The following HEPACAM variants were observed in gnomAD, a reference collection of about 807,000 sequenced individuals.
The protein encoded by HEPACAM is hepatic and glial cell adhesion molecule, also known as hepatocyte cell adhesion molecule.
Under a neutral mutation model 38.3 loss-of-function variants are expected in HEPACAM, and 18 were observed. The ratio of observed to expected loss-of-function variants is 0.47; its 90% CI spans 0.33 to 0.70. The LOEUF is 0.70. Among genes scored for constraint, HEPACAM ranks in the 30% least tolerant of loss-of-function variants. HEPACAM has a pLI of 0.03. For missense variants in HEPACAM, 466 were observed against 563.0 expected (o/e 0.83, Z 1.74); for synonymous variants, 216 against 243.1 (o/e 0.89, Z 1.04).
chr11:124,934,490 A>G (rs1345146947), intron 1 of HEPACAM, among the ~76,000 whole-genome samples: 1 of 150,818 alleles, frequency 6.6e-6, no homozygotes, highest in Non-Finnish European at 1.5e-5. Flanking sequence ...GTGTCCTTAT[A>G]AAAAGGGGAA....
chr11:124,920,724 A>C lies in HEPACAM; in HGVS notation c.*414T>G. On this transcript the variant is annotated 3_prime_UTR_variant, in exon 7 of 7. Transcript: ENST00000298251. ...AAAAAAAAAAAGTGCCCCAGCACTC[A>C]GGCATTTGTTCAGAGGGAAGGGTGG... The C allele has an allele frequency of 3.9e-6, 4 of 1,020,710 alleles. No individual in the cohort carries two copies. Among genetic ancestry groups the C allele is most frequent in the Non-Finnish European group, 4.7e-6 (4 of 854,682 alleles). 63.2% of individuals were successfully genotyped at this position (1,020,710 alleles called of 1,614,324 possible).
At chr11:124,923,242 C>A (rs1947163300) in intron 4 of HEPACAM, 98 bp downstream of exon 4, 2 of 849,436 alleles carry the variant, frequency 2.4e-6, no homozygotes, top group Admixed American at 3.4e-5. Context: ...AGATGCAAAA[C>A]CCTGGGAGGA....
chr11:124,935,760 C>T (rs183751456), intron 1 of HEPACAM, among the ~76,000 whole-genome samples, 162 bp downstream of exon 1: 48 of 152,298 alleles, frequency 3.2e-4, no homozygotes, highest in African/African-American at 1.1e-3. Flanking sequence ...TAAAGAAATA[C>T]GTTCAACGCT....
chr11:124,930,124 T>C (rs755751021), intron 1 of HEPACAM, among the ~76,000 whole-genome samples: 1 of 152,260 alleles, frequency 6.6e-6, no homozygotes, highest in African/African-American at 2.4e-5. Context: ...TTTCTTCAAC[T>C]GTGTTATTTC....
Position 124,921,056 on chromosome 11 carries a change from G to A in HEPACAM, c.*82C>T. 2 of 1,456,486 alleles carry A rather than the reference G, an allele frequency of 1.4e-6. No homozygotes were observed. Among genetic ancestry groups the A allele is most frequent in the Non-Finnish European group, 1.8e-6 (2 of 1,106,914 alleles). 90.2% of individuals were successfully genotyped at this position (1,456,486 alleles called of 1,614,324 possible). ...GACCTCCCCTCGTCCCCAGCGCGCC[G>A]CGCCCGGGCTTCCCAGCCCCAGCTT... is the stretch of plus-strand genomic sequence containing the variant. On this transcript the variant is annotated 3_prime_UTR_variant, in exon 7 of 7. Transcript: ENST00000298251. The surrounding 1 kb of genome is among the most constrained non-coding windows in gnomAD (Gnocchi z 4.6).
chr11:124,920,483 G>T lies in HEPACAM; in HGVS notation c.*655C>A. On this transcript the variant is annotated 3_prime_UTR_variant, in exon 7 of 7. Transcript: ENST00000298251. ...GCCCTTGCTAGCGCCCAGGTCAGAG[G>T]GAAAAGGAATGTACTCGTACCCTTC... 1 of 1,532,134 alleles carries T rather than the reference G, an allele frequency of 6.5e-7. No individual in the cohort carries two copies. The highest frequency in any genetic ancestry group is 8.8e-7 in the Non-Finnish European group (1 of 1,136,202). The allele number at this position is 1,532,134 out of a possible 1,614,324, so 94.9% of individuals were successfully genotyped here.
At chr11:124,925,662 T>TC (rs1947198878) in intron 1 of HEPACAM, among the ~76,000 whole-genome samples, 1 of 152,110 alleles carries the variant, frequency 6.6e-6, no homozygotes, top group African/African-American at 2.4e-5. Context: ...GAGAGCCTCT[T>TC]CCCGTTTTTT....
Position 124,919,346 on chromosome 11 carries a change from C to A in HEPACAM, c.*1792G>T. 1 of 198,850 alleles carries A rather than the reference C, an allele frequency of 5.0e-6. No homozygotes were observed. The highest frequency in any genetic ancestry group is 9.8e-6 in the Non-Finnish European group (1 of 101,720). 12.3% of individuals were successfully genotyped at this position (198,850 alleles called of 1,614,324 possible). ...GATGAAAACAACACAAAAACAAACC[C>A]CACTTCCTTACTTACCCCTCCCCAC... On this transcript the variant is annotated 3_prime_UTR_variant, in exon 7 of 7. Transcript: ENST00000298251.
At chr11:124,922,654 C>T in intron 5 of HEPACAM, 91 bp downstream of exon 5, 1 of 1,614,020 alleles carries the variant, frequency 6.2e-7, no homozygotes, top group Non-Finnish European at 8.5e-7. Context: ...CCCTGCAGAG[C>T]TGTTTTCCTT....
intron 1 of HEPACAM, among the ~76,000 whole-genome samples, chr11:124,935,532 G>A (rs1482477459): frequency 1.3e-5 from 2 of 152,034 alleles, no homozygotes; most frequent in Non-Finnish European, 2.9e-5. Flanking sequence ...GCCAGAGTCG[G>A]GGGCTGGGGA....
chr11:124,922,679 C>T, intron 5 of HEPACAM, 66 bp downstream of exon 5: 1 of 1,614,216 alleles, frequency 6.2e-7, no homozygotes, highest in Non-Finnish European at 8.5e-7. Flanking sequence ...CCCAGTTCTG[C>T]CTTTTCCCAG....
Position 124,920,678 on chromosome 11 carries a change from C to CAAA in HEPACAM, c.*457_*459dup, listed in dbSNP as rs71042463. Reference sequence around the variant, plus strand: ...AAGTGGCCTCTCTAATCTGAACTTGCAAAAAAAAAAAAAAAAAAAAAAAAA... The same window carrying CAAA: ...AAGTGGCCTCTCTAATCTGAACTTGCAAAAAAAAAAAAAAAAAAAAAAAAAAAA... On this transcript the variant is annotated 3_prime_UTR_variant, in exon 7 of 7. Transcript: ENST00000298251. 51,429 of 547,848 alleles carry CAAA rather than the reference C, an allele frequency of 0.094. 840 individuals carry two copies. The highest frequency in any genetic ancestry group is 0.098 in the Non-Finnish European group (47,824 of 486,050). The allele number at this position is 547,848 out of a possible 1,614,324, so 33.9% of individuals were successfully genotyped here.
intron 1 of HEPACAM, among the ~76,000 whole-genome samples, chr11:124,927,854 G>T (rs2135403162): frequency 6.6e-6 from 1 of 151,832 alleles, no homozygotes; most frequent in South Asian, 2.1e-4. Flanking sequence ...TTGCACCACT[G>T]CACTCCAGGC....
At chr11:124,934,587 G>A (rs1947320332) in intron 1 of HEPACAM, among the ~76,000 whole-genome samples, 2 of 151,780 alleles carry the variant, frequency 1.3e-5, no homozygotes, top group Non-Finnish European at 2.9e-5. Context: ...CAGAAGCTAG[G>A]AGAGAACCCT....
Position 124,920,445 on chromosome 11 carries a change from G to T in HEPACAM, c.*693C>A. On this transcript the variant is annotated 3_prime_UTR_variant, in exon 7 of 7. Coordinates refer to ENST00000298251, the MANE Select transcript of HEPACAM (RefSeq NM_152722.5). Reference sequence around the variant, plus strand: ...CTGTGGGAGGAGGCCAAGCTGGCAGGCTCGGGTTCTTTGCCCTTGCTAGCG... The same window carrying T: ...CTGTGGGAGGAGGCCAAGCTGGCAGTCTCGGGTTCTTTGCCCTTGCTAGCG... 6.5e-7 allele frequency: 1 copy of T among 1,546,640 alleles called. No individual in the cohort carries two copies. Among genetic ancestry groups the T allele is most frequent in the Non-Finnish European group, 8.7e-7 (1 of 1,145,110 alleles).
intron 5 of HEPACAM, 52 bp from the exon 6 acceptor site, chr11:124,922,510 C>T (rs764521806): frequency 2.7e-5 from 43 of 1,599,976 alleles, no homozygotes; most frequent in Non-Finnish European, 3.3e-5. Context: ...CTCTCCCCAC[C>T]AGCCGGCACC....
Position 124,919,765 on chromosome 11 carries a change from C to T in HEPACAM, c.*1373G>A. 6.2e-7 allele frequency: 1 copy of T among 1,613,798 alleles called. No homozygotes were observed. Among genetic ancestry groups the T allele is most frequent in the South Asian group, 1.1e-5 (1 of 91,056 alleles). On this transcript the variant is annotated 3_prime_UTR_variant, in exon 7 of 7. Coordinates refer to ENST00000298251, the MANE Select transcript of HEPACAM (RefSeq NM_152722.5). ...GTGTGGAGGTGATGGGTAACTGGGG[C>T]CTTGGAATTGCTCCATGGGTTGATG...
chr11:124,925,191 A>G (rs561335514), intron 1 of HEPACAM, 122 bp from the exon 2 acceptor site: 251 of 722,110 alleles, frequency 3.5e-4, no homozygotes, highest in South Asian at 5.0e-4. Context: ...CTCCCTGCCA[A>G]TCCTGGCTTC....
rs913545332 is a variant in HEPACAM at position 124,924,423 on chromosome 11, C to A, written c.427+305G>T. On this transcript the variant is annotated intron_variant, in intron 2 of 6. Coordinates refer to ENST00000298251, the MANE Select transcript of HEPACAM (RefSeq NM_152722.5). This position sits in a 1 kb window ranked among gnomAD's most constrained non-coding sequence, Gnocchi z 4.4. Reference sequence around the variant, plus strand: ...GTGTGACCTTGGGCAAGTTATTCAACCTTTCAGTGGCTCACTTTCCTCATC... The same window carrying A: ...GTGTGACCTTGGGCAAGTTATTCAAACTTTCAGTGGCTCACTTTCCTCATC... 6.6e-6 allele frequency among the ~76,000 whole-genome samples: 1 copy of A among 152,192 alleles called. No homozygotes were observed. The highest frequency in any genetic ancestry group is 1.5e-5 in the Non-Finnish European group (1 of 68,034).
Sources: allele counts gnomAD v4.1 joint callset (sites outside exome capture counted in the v4.1 genomes callset), GRCh38; gene constraint gnomAD v4.1.1; non-coding constraint Gnocchi (gnomAD v3.1); transcripts MANE v1.5; gene names NCBI Gene and HGNC (gene_info 2026-07-23, HGNC 2026-07-21).